TLL1: variants seen among roughly 807,000 people sequenced by gnomAD.
TLL1 encodes tolloid-like protein 1.
A neutral mutation model predicts 128.2 loss-of-function variants in TLL1; 49 were observed. The ratio of observed to expected loss-of-function variants is 0.38; its 90% CI spans 0.30 to 0.48. The LOEUF is 0.48. Ranked by LOEUF, TLL1 falls within the 20% of genes least tolerant of loss-of-function variation. The pLI, the probability that TLL1 is intolerant of heterozygous loss-of-function variation, is 0.96. For synonymous variants in TLL1, 454 were observed against 418.8 expected (o/e 1.08, Z -1.03); for missense variants, 1,123 against 1,242.0 (o/e 0.90, Z 1.44).
At chr4:165,929,532 C>T (rs1185614713) in intron 1 of TLL1, among the ~76,000 whole-genome samples, 1 of 114,786 alleles carries the variant, frequency 8.7e-6, no homozygotes, top group African/African-American at 2.8e-5. Context: ...AGCAAGACTC[C>T]ATCTCAAAAA....
chr4:165,949,102 A>G (rs906188645), intron 1 of TLL1, among the ~76,000 whole-genome samples: 1 of 152,178 alleles, frequency 6.6e-6, no homozygotes, highest in African/African-American at 2.4e-5. Context: ...AAGGCAAAGA[A>G]TTAGAAAAAT....
At chr4:165,992,684 C>T in intron 2 of TLL1, 120 bp from the exon 3 acceptor site, 1 of 889,534 alleles carries the variant, frequency 1.1e-6, no homozygotes, top group Non-Finnish European at 1.8e-6. Context: ...TTCATAATTT[C>T]AACACTTTAA....
intron 16 of TLL1, 70 bp from the exon 17 acceptor site, chr4:166,074,808 A>G: frequency 6.3e-7 from 1 of 1,593,154 alleles, no homozygotes; most frequent in Admixed American, 1.7e-5. Flanking sequence ...AACCACAACT[A>G]AATGACTCCC....
chr4:165,983,997 A>G (rs748455939), intron 1 of TLL1, among the ~76,000 whole-genome samples: 2 of 151,882 alleles, frequency 1.3e-5, no homozygotes. Flanking sequence ...TTGATTTTAT[A>G]TGGTAGTGTA....
In TLL1 at chr4:166,060,030, GC is replaced by G; in HGVS notation, c.1850del (p.Ala617ValfsTer13). On this transcript the variant is annotated frameshift_variant, in exon 15 of 21. Coordinates refer to ENST00000061240, the MANE Select transcript of TLL1 (RefSeq NM_012464.5). LOFTEE classifies it high-confidence loss of function. ...CTTTTTCTTTTCTTTTCTTCTAGCT[GC>G]TTGTGGTGGACTTCTTACCAAACTT... ...LGPDRRSCEA[A>X]CGGLLTKLNG... 1 of 1,613,478 alleles carries G rather than the reference GC, an allele frequency of 6.2e-7. No homozygotes were observed. Among genetic ancestry groups the G allele is most frequent in the Non-Finnish European group, 8.5e-7 (1 of 1,179,776 alleles).
At chr4:166,058,495 A>G (rs1740137346) in intron 14 of TLL1, among the ~76,000 whole-genome samples, 1 of 152,102 alleles carries the variant, frequency 6.6e-6, no homozygotes, top group African/African-American at 2.4e-5. Flanking sequence ...TTTCGTCTTT[A>G]TGTTTTAAGA....
intron 1 of TLL1, among the ~76,000 whole-genome samples, chr4:165,938,262 G>A (rs1317925488): frequency 6.6e-6 from 1 of 152,046 alleles, no homozygotes; most frequent in Non-Finnish European, 1.5e-5. Flanking sequence ...AAGCCATTCT[G>A]AGTCATGTTT....
At chr4:165,947,967 C>G (rs536962906) in intron 1 of TLL1, among the ~76,000 whole-genome samples, 4 of 152,256 alleles carry the variant, frequency 2.6e-5, no homozygotes, top group South Asian at 2.1e-4. Context: ...AATAAAACTA[C>G]TGATGAAACT....
At chr4:166,022,817 T>C (rs950622637) in intron 8 of TLL1, among the ~76,000 whole-genome samples, 1 of 152,226 alleles carries the variant, frequency 6.6e-6, no homozygotes, top group South Asian at 2.1e-4. Context: ...TAAAATAAGA[T>C]GGATCACATG....
At chr4:165,981,601 T>G (rs928976307) in intron 1 of TLL1, among the ~76,000 whole-genome samples, 3 of 152,056 alleles carry the variant, frequency 2.0e-5, no homozygotes, top group Non-Finnish European at 4.4e-5. Context: ...TTTGCAGTTA[T>G]TTATAAAGAT....
chr4:165,914,827 A>G (rs1028663101), intron 1 of TLL1, among the ~76,000 whole-genome samples: 14 of 152,212 alleles, frequency 9.2e-5, no homozygotes, highest in African/African-American at 3.4e-4. Flanking sequence ...CAGCAAACAA[A>G]TCTGCCCTCT....
intron 1 of TLL1, among the ~76,000 whole-genome samples, chr4:165,895,904 C>A (rs756261144): frequency 6.6e-6 from 1 of 152,060 alleles, no homozygotes; most frequent in African/African-American, 2.4e-5. Flanking sequence ...GATAAAGTTG[C>A]AAAGACAATT....
intron 1 of TLL1, among the ~76,000 whole-genome samples, chr4:165,876,145 G>T (rs933993663): frequency 2.0e-5 from 3 of 152,172 alleles, no homozygotes; most frequent in Admixed American, 6.5e-5. Flanking sequence ...TAAGTGGAGG[G>T]CTAAGAAGTA....
chr4:165,978,469 T>G (rs187278028), intron 1 of TLL1, among the ~76,000 whole-genome samples: 14 of 152,270 alleles, frequency 9.2e-5, no homozygotes, highest in African/African-American at 3.4e-4. Context: ...TTTTTGCTTT[T>G]TACACTTTAT....
intron 2 of TLL1, among the ~76,000 whole-genome samples, chr4:165,992,313 AT>A (rs1736681506): frequency 6.6e-6 from 1 of 152,094 alleles, no homozygotes; most frequent in African/African-American, 2.4e-5. Flanking sequence ...AAAATGTGAT[AT>A]GCTTTAAAAA....
At chr4:166,053,632 T>A (rs1012903007) in intron 12 of TLL1, among the ~76,000 whole-genome samples, 49 of 152,314 alleles carry the variant, frequency 3.2e-4, no homozygotes, top group African/African-American at 1.0e-3. Flanking sequence ...GTTAGTGTTT[T>A]GATAAGGCAG....
At chr4:165,876,754 A>G (rs1240853976) in intron 1 of TLL1, among the ~76,000 whole-genome samples, 2 of 152,214 alleles carry the variant, frequency 1.3e-5, no homozygotes, top group Non-Finnish European at 1.5e-5. Context: ...GTATTTGACA[A>G]TTACACTGCA....
intron 11 of TLL1, 56 bp downstream of exon 11, chr4:166,042,199 C>A: frequency 1.7e-6 from 2 of 1,169,270 alleles, no homozygotes; most frequent in Non-Finnish European, 2.6e-6. Context: ...CAGAAATGTT[C>A]GTTTCTTAAT....
intron 18 of TLL1, among the ~76,000 whole-genome samples, chr4:166,081,475 G>A (rs539746348): frequency 4.2e-4 from 64 of 152,258 alleles, no homozygotes; most frequent in African/African-American, 1.4e-3. Flanking sequence ...GGAGATGGAG[G>A]TCCATGGAAA....
Sources: gnomAD v4.1 joint callset for allele counts (sites outside exome capture counted in the v4.1 genomes callset) on GRCh38, gnomAD v4.1.1 for gene constraint, MANE v1.5 for transcripts, NCBI Gene and HGNC (gene_info 2026-07-23, HGNC 2026-07-21) for gene names.